Variants in SPAG16 observed in about 807,000 individuals in gnomAD.
The protein encoded by SPAG16 is sperm-associated antigen 16 protein.
A neutral mutation model predicts 80.4 loss-of-function variants in SPAG16; 86 were observed. The ratio of observed to expected loss-of-function variants is 1.07; its 90% CI spans 0.90 to 1.28. SPAG16 has a LOEUF of 1.28. SPAG16 is among the 50% of genes most tolerant of loss of function. The pLI, the probability that SPAG16 is intolerant of heterozygous loss-of-function variation, is 0.00. For synonymous variants in SPAG16, 294 were observed against 265.9 expected, an observed-to-expected ratio of 1.11 and a Z score of -1.03; for missense variants, 870 against 765.3, an observed-to-expected ratio of 1.14 and a Z score of -1.61.
At chr2:213,518,404 G>GGACT (rs2075529106) in intron 10 of SPAG16, among the ~76,000 whole-genome samples, 1 of 152,230 alleles carries the variant, frequency 6.6e-6, no homozygotes, top group Admixed American at 6.5e-5. Flanking sequence ...CAGGAAGCTG[G>GGACT]GACTACATGC....
intron 10 of SPAG16, among the ~76,000 whole-genome samples, chr2:213,826,093 G>A (rs748893285): frequency 5.8e-4 from 88 of 151,798 alleles, no homozygotes; most frequent in Non-Finnish European, 1.2e-3. Flanking sequence ...TGTGGTATTA[G>A]TTGAAATAAC....
chr2:213,795,903 G>T (rs908235126), intron 10 of SPAG16, among the ~76,000 whole-genome samples: 1 of 152,162 alleles, frequency 6.6e-6, no homozygotes, highest in African/African-American at 2.4e-5. Context: ...GCAGAACCAT[G>T]AGCCAGATAG....
intron 15 of SPAG16, among the ~76,000 whole-genome samples, chr2:214,258,480 T>TATAC (rs945399389): frequency 2.7e-5 from 4 of 148,900 alleles, no homozygotes; most frequent in African/African-American, 9.8e-5. Flanking sequence ...TGTATATATA[T>TATAC]ATATATATAT....
At chr2:214,390,152 A>C (rs915287504) in intron 15 of SPAG16, among the ~76,000 whole-genome samples, 1 of 152,048 alleles carries the variant, frequency 6.6e-6, no homozygotes, top group Non-Finnish European at 1.5e-5. Context: ...TATTTCTTGC[A>C]TTTCTCTAGT....
At chr2:214,355,223 A>T (rs1318206469) in intron 15 of SPAG16, among the ~76,000 whole-genome samples, 1 of 146,940 alleles carries the variant, frequency 6.8e-6, no homozygotes, top group East Asian at 2.0e-4. Flanking sequence ...CTACCATCAG[A>T]GTGAACAGGC....
chr2:213,979,145 G>A (rs989811810), intron 12 of SPAG16, among the ~76,000 whole-genome samples: 3 of 151,984 alleles, frequency 2.0e-5, no homozygotes, highest in African/African-American at 7.2e-5. Flanking sequence ...AGGGTGTACA[G>A]AAGGGTAGAA....
chr2:214,137,096 CTGA>C (rs1240882829), intron 14 of SPAG16, among the ~76,000 whole-genome samples: 1 of 152,014 alleles, frequency 6.6e-6, no homozygotes, highest in African/African-American at 2.4e-5. Context: ...AAATATTTTT[CTGA>C]TGATAAAAAT....
intron 9 of SPAG16, among the ~76,000 whole-genome samples, chr2:213,385,537 A>G (rs2067381788): frequency 6.6e-6 from 1 of 152,122 alleles, no homozygotes; most frequent in African/African-American, 2.4e-5. Flanking sequence ...TAACAGAGTC[A>G]TTACTTACCT....
intron 12 of SPAG16, among the ~76,000 whole-genome samples, chr2:213,999,629 T>C (rs1559675975): frequency 1.3e-5 from 2 of 152,144 alleles, no homozygotes; most frequent in Admixed American, 6.6e-5. Context: ...GAATGGTAGA[T>C]CCACTGGAAG....
intron 10 of SPAG16, among the ~76,000 whole-genome samples, chr2:213,626,450 C>T (rs905595346): frequency 2.6e-5 from 4 of 151,944 alleles, no homozygotes; most frequent in African/African-American, 9.7e-5. Flanking sequence ...GGAGTCTCAA[C>T]ACTGAAAGAT....
At chr2:213,564,754 A>C (rs2059705744) in intron 10 of SPAG16, among the ~76,000 whole-genome samples, 1 of 152,196 alleles carries the variant, frequency 6.6e-6, no homozygotes. Flanking sequence ...TAACTTTGTT[A>C]ATATGCACAA....
intron 10 of SPAG16, among the ~76,000 whole-genome samples, chr2:213,787,912 A>G (rs1413867780): frequency 6.6e-6 from 1 of 152,066 alleles, no homozygotes; most frequent in East Asian, 1.9e-4. Context: ...AAAACTATAT[A>G]TTTGAAGATG....
intron 15 of SPAG16, among the ~76,000 whole-genome samples, chr2:214,313,362 G>A (rs72952024): frequency 0.097 from 14,752 of 152,012 alleles, 804 homozygotes; most frequent in Middle Eastern, 0.15. Context: ...TCTTTTCCCT[G>A]GATCTTTAAT....
chr2:214,341,444 C>T (rs1486467981), intron 15 of SPAG16, among the ~76,000 whole-genome samples: 1 of 152,126 alleles, frequency 6.6e-6, no homozygotes, highest in African/African-American at 2.4e-5. Context: ...AAGAGACTCA[C>T]AGATAGAATT....
intron 10 of SPAG16, among the ~76,000 whole-genome samples, chr2:213,556,336 A>G (rs1211362564): frequency 6.7e-6 from 1 of 149,542 alleles, no homozygotes; most frequent in East Asian, 2.0e-4. Flanking sequence ...AACAAGATCT[A>G]ACTATATGCT....
intron 12 of SPAG16, among the ~76,000 whole-genome samples, chr2:213,953,717 A>G (rs2043973617): frequency 6.6e-6 from 1 of 152,008 alleles, no homozygotes; most frequent in South Asian, 2.1e-4. Context: ...ACGTTCAAGT[A>G]GAAGTTTAAG....
intron 15 of SPAG16, among the ~76,000 whole-genome samples, chr2:214,389,325 T>C (rs78194690): frequency 0.023 from 3,524 of 152,304 alleles, 115 homozygotes; most frequent in African/African-American, 0.08. Context: ...TTGTGCAATC[T>C]AACGTGTGTG....
At chr2:213,903,657 G>A (rs2077313426) in intron 11 of SPAG16, among the ~76,000 whole-genome samples, 1 of 152,070 alleles carries the variant, frequency 6.6e-6, no homozygotes, top group Admixed American at 6.5e-5. Context: ...ATTGTCTTGG[G>A]GATTAATTCC....
intron 14 of SPAG16, among the ~76,000 whole-genome samples, chr2:214,109,878 G>C (rs1427903774): frequency 2.6e-5 from 4 of 152,104 alleles, no homozygotes; most frequent in African/African-American, 4.8e-5. Context: ...CCATTAAGTG[G>C]CGTATAGCTT....
Sources: allele counts gnomAD v4.1 joint callset (sites outside exome capture counted in the v4.1 genomes callset), GRCh38; gene constraint gnomAD v4.1.1; transcripts MANE v1.5; gene names NCBI Gene and HGNC (gene_info 2026-07-23, HGNC 2026-07-21).